The following SPMIP8 variants were observed in gnomAD, a reference collection of about 807,000 sequenced individuals.
SPMIP8 encodes testicular tissue protein Li 196.
the SPMIP8 span, among the ~76,000 whole-genome samples, chr16:57,983,787 A>G: frequency 6.6e-6 from 1 of 151,890 alleles, no homozygotes; most frequent in African/African-American, 2.4e-5. Flanking sequence ...AATTTTTCGT[A>G]TTTTTGGTAG....
chr16:57,985,443 C>G, the SPMIP8 span: 3 of 1,613,648 alleles, frequency 1.9e-6, no homozygotes, highest in East Asian at 2.2e-5. Flanking sequence ...TCCGTGCTCC[C>G]CCGACTCACC....
At chr16:57,977,880 G>C in the SPMIP8 span, 1 of 1,614,136 alleles carries the variant, frequency 6.2e-7, no homozygotes, top group Non-Finnish European at 8.5e-7. Flanking sequence ...TGCCTCCCCG[G>C]CCATCCTGCT....
At chr16:57,985,275 G>A in the SPMIP8 span, 1 of 1,557,414 alleles carries the variant, frequency 6.4e-7, no homozygotes, top group Non-Finnish European at 8.7e-7. Context: ...CGGGTAGGGA[G>A]CGCTGCGCGC....
the SPMIP8 span, among the ~76,000 whole-genome samples, chr16:57,981,102 C>A: frequency 6.6e-6 from 1 of 152,154 alleles, no homozygotes; most frequent in South Asian, 2.1e-4. Flanking sequence ...GTATCTTGGC[C>A]GGGCGTGGCG....
the SPMIP8 span, chr16:57,984,215 T>G: frequency 1.1e-5 from 15 of 1,424,736 alleles, no homozygotes; most frequent in East Asian, 3.2e-4. Context: ...CAAAAAATTT[T>G]TAAAGTACAG....
At chr16:57,977,873 C>T in the SPMIP8 span, 2 of 1,614,166 alleles carry the variant, frequency 1.2e-6, no homozygotes, top group African/African-American at 1.3e-5. Flanking sequence ...ATGTGTATGC[C>T]TCCCCGGCCA....
the SPMIP8 span, chr16:57,978,066 T>A: frequency 5.0e-6 from 8 of 1,597,830 alleles, no homozygotes; most frequent in South Asian, 7.8e-5. Flanking sequence ...AGGATCCCCT[T>A]TGGGGAAGGG....
chr16:57,980,628 G>C, the SPMIP8 span, among the ~76,000 whole-genome samples: 8 of 152,308 alleles, frequency 5.3e-5, no homozygotes, highest in Admixed American at 4.6e-4. Context: ...TCCAGGGCTA[G>C]AGAAAAAGAA....
chr16:57,985,336 C>G, the SPMIP8 span: 14 of 1,568,116 alleles, frequency 8.9e-6, no homozygotes, highest in Middle Eastern at 1.7e-4. Flanking sequence ...GCGGCTTAAG[C>G]CGGGGGTTGA....
At chr16:57,977,904 C>G in the SPMIP8 span, 1 of 1,614,144 alleles carries the variant, frequency 6.2e-7, no homozygotes, top group Non-Finnish European at 8.5e-7. Context: ...CATGGAGCGG[C>G]AGCGCAACCA....
the SPMIP8 span, chr16:57,985,061 G>A: frequency 1.8e-6 from 2 of 1,127,544 alleles, no homozygotes; most frequent in Non-Finnish European, 2.4e-6. Context: ...TGGTGGGGCA[G>A]CGGAGGCGGG....
chr16:57,977,172 G>A, the SPMIP8 span, among the ~76,000 whole-genome samples: 1 of 152,108 alleles, frequency 6.6e-6, no homozygotes, highest in Non-Finnish European at 1.5e-5. Flanking sequence ...CACTTTGAGA[G>A]GCTGAGGCGG....
chr16:57,981,334 C>T, the SPMIP8 span, among the ~76,000 whole-genome samples: 1 of 144,218 alleles, frequency 6.9e-6, no homozygotes, highest in Non-Finnish European at 1.5e-5. Flanking sequence ...GAGCCGAGAT[C>T]GCGCCATTGC....
At chr16:57,982,743 C>T in the SPMIP8 span, among the ~76,000 whole-genome samples, 1 of 151,278 alleles carries the variant, frequency 6.6e-6, no homozygotes, top group African/African-American at 2.5e-5. Flanking sequence ...TTAAAGCAAA[C>T]AGTAGGCCGG....
the SPMIP8 span, chr16:57,985,302 G>T: frequency 6.4e-7 from 1 of 1,556,286 alleles, no homozygotes. Context: ...GTCCCTGAGC[G>T]GGGAGCGGGG....
chr16:57,985,245 C>T, the SPMIP8 span: 6 of 1,556,594 alleles, frequency 3.9e-6, no homozygotes, highest in Non-Finnish European at 5.2e-6. Context: ...TACTTGAAGC[C>T]CGACGTGACC....
chr16:57,985,296 C>T, the SPMIP8 span: 1 of 1,556,198 alleles, frequency 6.4e-7, no homozygotes, highest in Non-Finnish European at 8.7e-7. Flanking sequence ...AGACCCGTCC[C>T]TGAGCGGGGA....
chr16:57,984,403 G>A, the SPMIP8 span: 2 of 1,610,174 alleles, frequency 1.2e-6, no homozygotes, highest in Non-Finnish European at 1.7e-6. Context: ...TTGCTAAGGG[G>A]CACCAGCCCC....
At chr16:57,983,589 T>G in the SPMIP8 span, among the ~76,000 whole-genome samples, 1 of 151,870 alleles carries the variant, frequency 6.6e-6, no homozygotes, top group Admixed American at 6.6e-5. Context: ...TACTATTTTA[T>G]CTTAGATTTT....
Sources: allele counts gnomAD v4.1 joint callset (sites outside exome capture counted in the v4.1 genomes callset), GRCh38; gene constraint gnomAD v4.1.1; transcripts MANE v1.5; gene names NCBI Gene and HGNC (gene_info 2026-07-23, HGNC 2026-07-21).